SCAI: variants seen among roughly 807,000 people sequenced by gnomAD.
SCAI encodes the protein protein SCAI.
SCAI carries 24 observed loss-of-function variants against 92.2 expected under a neutral mutation model. The ratio of observed to expected loss-of-function variants is 0.26; its 90% CI spans 0.19 to 0.37. SCAI has a LOEUF of 0.37. Among genes scored for constraint, SCAI ranks in the 10% least tolerant of loss-of-function variants. The pLI, the probability that SCAI is intolerant of heterozygous loss-of-function variation, is 1.00. For synonymous variants in SCAI, 261 were observed against 258.6 expected (o/e 1.01, Z -0.09); for missense variants, 450 against 736.2 (o/e 0.61, Z 4.50).
chr9:125,039,821 C>T (rs1305753778), intron 3 of SCAI, among the ~76,000 whole-genome samples: 1 of 152,142 alleles, frequency 6.6e-6, no homozygotes, highest in Non-Finnish European at 1.5e-5. Flanking sequence ...CTGGCCAAAG[C>T]AAATCTATTA....
chr9:125,000,431 C>A (rs1394728210), intron 12 of SCAI, among the ~76,000 whole-genome samples: 2 of 152,074 alleles, frequency 1.3e-5, no homozygotes, highest in Non-Finnish European at 2.9e-5. Flanking sequence ...AGGAGGACTG[C>A]ATGAGGCCAG....
intron 2 of SCAI, among the ~76,000 whole-genome samples, chr9:125,085,198 A>G (rs1170386966): frequency 6.6e-6 from 1 of 152,226 alleles, no homozygotes; most frequent in African/African-American, 2.4e-5. Flanking sequence ...AAATAAAATC[A>G]AATAACAGAC....
intron 3 of SCAI, among the ~76,000 whole-genome samples, chr9:125,035,428 A>C (rs145555446): frequency 3.3e-5 from 5 of 152,254 alleles, no homozygotes; most frequent in African/African-American, 9.6e-5. Context: ...TGGGAATGAA[A>C]ATTTACCTTA....
intron 2 of SCAI, among the ~76,000 whole-genome samples, chr9:125,102,285 A>C (rs775563104): frequency 3.9e-5 from 6 of 152,250 alleles, no homozygotes; most frequent in Non-Finnish European, 8.8e-5. Context: ...TTAGCAGCAG[A>C]AAAGGATCTA....
chr9:125,105,808 G>C (rs575189880), intron 2 of SCAI, among the ~76,000 whole-genome samples: 1 of 151,874 alleles, frequency 6.6e-6, no homozygotes, highest in Non-Finnish European at 1.5e-5. Flanking sequence ...CTAAGAAAAA[G>C]ATATAGTTGG....
rs1831232369 is a variant in SCAI at position 124,951,306 on chromosome 9, A to C, written c.*1501T>G. On this transcript the variant is annotated 3_prime_UTR_variant, in exon 18 of 18. Transcript: ENST00000336505. ...CAGATCACAAGGTCAGGAGTTTGAG[A>C]CCAGCCTGACCAACATGGTGAAACC... 1 of 151,924 alleles carries C rather than the reference A, an allele frequency of 6.6e-6. No individual in the cohort carries two copies. The highest frequency in any genetic ancestry group is 1.5e-5 in the Non-Finnish European group (1 of 68,036). The allele number at this position is 151,924 out of a possible 1,614,324, so 9.4% of individuals were successfully genotyped here.
intron 14 of SCAI, among the ~76,000 whole-genome samples, chr9:124,991,826 G>C (rs1383549222): frequency 6.6e-6 from 1 of 152,168 alleles, no homozygotes; most frequent in Non-Finnish European, 1.5e-5. Flanking sequence ...GACAGAGCAA[G>C]ACTCTGTCTC....
intron 2 of SCAI, among the ~76,000 whole-genome samples, chr9:125,137,718 AG>A (rs1205775430): frequency 6.6e-6 from 1 of 152,198 alleles, no homozygotes; most frequent in Admixed American, 6.5e-5. Flanking sequence ...CTCTGGCCTC[AG>A]CCTCCTGAGT....
intron 2 of SCAI, among the ~76,000 whole-genome samples, chr9:125,068,903 G>A (rs1833920354): frequency 6.6e-6 from 1 of 151,740 alleles, no homozygotes; most frequent in South Asian, 2.1e-4. Flanking sequence ...GAAGTACATA[G>A]GAAAGAAAAT....
intron 7 of SCAI, 43 bp from the exon 8 acceptor site, chr9:125,019,248 T>C: frequency 8.8e-7 from 1 of 1,139,704 alleles, no homozygotes; most frequent in Non-Finnish European, 1.3e-6. Context: ...AAAAAACCCA[T>C]AAAAACACAC....
intron 2 of SCAI, among the ~76,000 whole-genome samples, chr9:125,139,551 T>A (rs898854881): frequency 1.3e-5 from 2 of 152,262 alleles, no homozygotes; most frequent in African/African-American, 4.8e-5. Flanking sequence ...ACCAGAAAGT[T>A]AAATCATTTA....
At chr9:125,136,189 C>T (rs1416977782) in intron 2 of SCAI, among the ~76,000 whole-genome samples, 3 of 149,332 alleles carry the variant, frequency 2.0e-5, no homozygotes, top group Non-Finnish European at 4.4e-5. Flanking sequence ...TGGCTCACTG[C>T]AGCCTCCACC....
At chr9:125,037,836 A>T (rs1208176289) in intron 3 of SCAI, among the ~76,000 whole-genome samples, 1 of 152,118 alleles carries the variant, frequency 6.6e-6, no homozygotes, top group Non-Finnish European at 1.5e-5. Context: ...GAATTGCTTG[A>T]ACCTGGGAAG....
At chr9:125,140,531 A>T (rs779460578) in intron 2 of SCAI, among the ~76,000 whole-genome samples, 19 of 152,152 alleles carry the variant, frequency 1.2e-4, no homozygotes, top group Non-Finnish European at 1.9e-4. Context: ...TTGTCTCAGG[A>T]AAAAGTAAGT....
At chr9:125,050,138 T>A (rs1228946302) in intron 3 of SCAI, among the ~76,000 whole-genome samples, 1 of 151,886 alleles carries the variant, frequency 6.6e-6, no homozygotes, top group Non-Finnish European at 1.5e-5. Context: ...GGCTTAATAT[T>A]AAAAACTGAC....
intron 2 of SCAI, among the ~76,000 whole-genome samples, chr9:125,123,996 C>T (rs559449489): frequency 1.4e-4 from 22 of 152,262 alleles, no homozygotes; most frequent in Non-Finnish European, 2.5e-4. Context: ...AACAGTGGTG[C>T]CTAGCCTTAG....
intron 3 of SCAI, among the ~76,000 whole-genome samples, chr9:125,047,493 G>C (rs1833468244): frequency 6.6e-6 from 1 of 152,150 alleles, no homozygotes. Flanking sequence ...AATCCCAGGT[G>C]GTTGGAGACA....
At chr9:125,090,499 G>C (rs1834410149) in intron 2 of SCAI, among the ~76,000 whole-genome samples, 1 of 151,836 alleles carries the variant, frequency 6.6e-6, no homozygotes, top group Non-Finnish European at 1.5e-5. Flanking sequence ...AGGGGCAGGG[G>C]AGAAGGAAGG....
chr9:125,121,059 T>A (rs1226505468), intron 2 of SCAI, among the ~76,000 whole-genome samples: 1 of 151,982 alleles, frequency 6.6e-6, no homozygotes, highest in Non-Finnish European at 1.5e-5. Flanking sequence ...AAAACTGAAA[T>A]TTTTTTGTTT....
Sources: gnomAD v4.1 joint callset for allele counts (sites outside exome capture counted in the v4.1 genomes callset) on GRCh38, gnomAD v4.1.1 for gene constraint, MANE v1.5 for transcripts, NCBI Gene and HGNC (gene_info 2026-07-23, HGNC 2026-07-21) for gene names.